Variants in COMMD1 observed in about 807,000 individuals in gnomAD.
The protein encoded by COMMD1 is COMM domain-containing protein 1.
In COMMD1, 10 loss-of-function variants were observed where a neutral mutation model predicts 17.2. The observed-to-expected ratio is 0.58, with a 90% CI of 0.36 to 0.99. The LOEUF (loss-of-function observed/expected upper bound fraction) is 0.99, where lower values mean the gene tolerates loss of function less well. Among genes scored for constraint, COMMD1 ranks in the 50% least tolerant of loss-of-function variants. COMMD1 has a pLI of 0.01. For missense variants in COMMD1, 270 were observed against 231.8 expected (o/e 1.17, Z -1.07); for synonymous variants, 97 against 91.6 (o/e 1.06, Z -0.34).
chr2:61,990,848 CAA>C (rs1672226862), intron 1 of COMMD1, among the ~76,000 whole-genome samples: 1 of 142,216 alleles, frequency 7.0e-6, no homozygotes, highest in South Asian at 2.2e-4. Flanking sequence ...GGTGGGGACA[CAA>C]AGCCAAACCA....
intron 1 of COMMD1, among the ~76,000 whole-genome samples, chr2:61,906,559 T>G (rs1029041031): frequency 1.3e-5 from 2 of 152,208 alleles, no homozygotes; most frequent in Non-Finnish European, 2.9e-5. Flanking sequence ...CAAATTTAAG[T>G]GCTCAGTAGT....
Position 62,119,184 on chromosome 2 carries a change from C to T in COMMD1, c.463-16647C>T, listed in dbSNP as rs1672679054. The T allele has an allele frequency of 2.0e-5, 3 of 152,220 alleles. No homozygotes were observed. In the South Asian group the frequency reaches 6.2e-4, roughly 32 times the overall value. The allele number at this position is 152,220 out of a possible 1,614,324, so 9.4% of individuals were successfully genotyped here. ...GCTGTACCTGCACACAAAGAAAAGG[C>T]CGTGAGAGAAGATAGCTGTCTACAA... On this transcript the variant is annotated intron_variant, in intron 2 of 2. Coordinates refer to ENST00000311832, the MANE Select transcript of COMMD1 (RefSeq NM_152516.4).
intron 2 of COMMD1, among the ~76,000 whole-genome samples, chr2:62,038,979 T>C (rs151296712): frequency 1.2e-4 from 19 of 152,350 alleles, no homozygotes; most frequent in African/African-American, 4.3e-4. Context: ...GAAAAACTTA[T>C]ATTGATTTTC....
chr2:62,066,668 T>G (rs1671052030), intron 2 of COMMD1, among the ~76,000 whole-genome samples: 1 of 151,620 alleles, frequency 6.6e-6, no homozygotes, highest in Admixed American at 6.6e-5. Context: ...CCCAAAGTGC[T>G]GGGATTACAG....
intron 2 of COMMD1, among the ~76,000 whole-genome samples, chr2:62,057,945 T>C (rs1048125050): frequency 2.6e-5 from 4 of 152,180 alleles, no homozygotes; most frequent in African/African-American, 9.7e-5. Context: ...TTATTTTTTT[T>C]CCAAACCCTG....
chr2:61,966,256 C>T (rs1671502293), intron 1 of COMMD1, among the ~76,000 whole-genome samples: 1 of 152,100 alleles, frequency 6.6e-6, no homozygotes, highest in South Asian at 2.1e-4. Context: ...TTACAGCATT[C>T]AGTAAACTGG....
At chr2:61,945,465 A>G (rs531489984) in intron 1 of COMMD1, among the ~76,000 whole-genome samples, 1 of 152,350 alleles carries the variant, frequency 6.6e-6, no homozygotes, top group Non-Finnish European at 1.5e-5. Flanking sequence ...AGATAGATCA[A>G]GCTGGTACCA....
intron 1 of COMMD1, among the ~76,000 whole-genome samples, chr2:61,923,676 A>G (rs1049895151): frequency 1.3e-5 from 2 of 152,206 alleles, no homozygotes; most frequent in African/African-American, 4.8e-5. Flanking sequence ...ATGCTGACAC[A>G]TATGGGCTTT....
In COMMD1 at chr2:61,905,710, C is replaced by A. The variant is rs370907564; in HGVS notation, c.32C>A (p.Pro11His). MAAGELEGGK[P>H]LSGLLNALAQ... ...GCGGGCGAGCTTGAGGGTGGCAAAC[C>A]CCTGAGCGGGCTGCTGAATGCGCTG... The change falls in exon 1 of 3, where the codon CCC becomes CAC. Residue 11 changes from proline (P) to histidine (H), a missense_variant. By Grantham distance (77) the Pro-to-His change is moderately conservative. Coordinates refer to ENST00000311832, the MANE Select transcript of COMMD1 (RefSeq NM_152516.4). The A allele has an allele frequency of 1.3e-5, 21 of 1,599,724 alleles. No individual in the cohort carries two copies. The highest frequency in any genetic ancestry group is 1.7e-5 in the Admixed American group (1 of 57,836).
chr2:61,893,563 C>T (rs1303932397), intron 1 of COMMD1, among the ~76,000 whole-genome samples: 3 of 152,140 alleles, frequency 2.0e-5, no homozygotes, highest in Non-Finnish European at 2.9e-5. Flanking sequence ...CCTGTAATCC[C>T]AGCACTTTGG....
At chr2:62,128,157 A>G (rs1672933529) in intron 2 of COMMD1, among the ~76,000 whole-genome samples, 1 of 151,580 alleles carries the variant, frequency 6.6e-6, no homozygotes, top group African/African-American at 2.4e-5. Flanking sequence ...GTGAAACCCT[A>G]TCTCTACTAG....
rs574052459 is a variant in COMMD1 at position 62,093,561 on chromosome 2, T to C, written c.463-42270T>C. Among the ~76,000 whole-genome samples the C allele has an allele frequency of 5.3e-5, 8 of 152,272 alleles. No homozygotes were observed. The East Asian group carries it at 1.2e-3, about 22-fold the overall frequency. ...CTTGAGGGGTAGATGCTTACTGATATTGTAAAAAAATGTTAGTGAGGGTAT... is the reference window on the plus strand; with the variant it reads ...CTTGAGGGGTAGATGCTTACTGATACTGTAAAAAAATGTTAGTGAGGGTAT... On this transcript the variant is annotated intron_variant, in intron 2 of 2. Coordinates refer to ENST00000311832, the MANE Select transcript of COMMD1 (RefSeq NM_152516.4).
intron 2 of COMMD1, among the ~76,000 whole-genome samples, chr2:62,053,871 A>C (rs937421680): frequency 6.6e-6 from 1 of 152,230 alleles, no homozygotes; most frequent in African/African-American, 2.4e-5. Context: ...TGGAACTTAA[A>C]CTTTCTGCAC....
Position 61,905,712 on chromosome 2 carries a change from C to T in COMMD1, c.34C>T (p.Leu12=), listed in dbSNP as rs139682381. The T allele has an allele frequency of 1.7e-5, 28 of 1,601,870 alleles. No homozygotes were observed. Among genetic ancestry groups the T allele is most frequent in the Admixed American group, 1.0e-4 (6 of 58,148 alleles). Residue 12 remains leucine (L), a synonymous_variant, in exon 1 of 3, where the codon CTG becomes TTG. Coordinates refer to ENST00000311832, the MANE Select transcript of COMMD1 (RefSeq NM_152516.4). ...GGGCGAGCTTGAGGGTGGCAAACCC[C>T]TGAGCGGGCTGCTGAATGCGCTGGC... is the stretch of plus-strand genomic sequence containing the variant. ...AAGELEGGKP[L]SGLLNALAQD... is the part of the protein sequence containing the mutation.
chr2:61,894,980 C>G (rs1558513092), intron 1 of COMMD1, among the ~76,000 whole-genome samples: 1 of 152,142 alleles, frequency 6.6e-6, no homozygotes, highest in Non-Finnish European at 1.5e-5. Flanking sequence ...GTGTCAGCCA[C>G]TACACCTGGT....
intron 1 of COMMD1, among the ~76,000 whole-genome samples, chr2:61,922,360 C>T (rs111570008): frequency 2.6e-5 from 4 of 152,058 alleles, no homozygotes; most frequent in African/African-American, 9.7e-5. Flanking sequence ...TTTTGTTGCC[C>T]AGGCTGGAAT....
intron 1 of COMMD1, among the ~76,000 whole-genome samples, chr2:61,998,318 C>T (rs557594310): frequency 6.8e-6 from 1 of 147,176 alleles, no homozygotes; most frequent in Non-Finnish European, 1.5e-5. Flanking sequence ...GAAGTGCAGT[C>T]GTACTATCTT....
chr2:61,954,722 C>G (rs962531648), intron 1 of COMMD1, among the ~76,000 whole-genome samples: 1 of 152,046 alleles, frequency 6.6e-6, no homozygotes, highest in African/African-American at 2.4e-5. Flanking sequence ...CGCTCTCTTG[C>G]CCAGGCTAGA....
At chr2:62,010,645 G>T (rs1247782103) in intron 2 of COMMD1, among the ~76,000 whole-genome samples, 1 of 152,054 alleles carries the variant, frequency 6.6e-6, no homozygotes, top group Non-Finnish European at 1.5e-5. Flanking sequence ...TCTCATCTCA[G>T]TTAGTGGCAC....
Sources: allele counts gnomAD v4.1 joint callset (sites outside exome capture counted in the v4.1 genomes callset), GRCh38; gene constraint gnomAD v4.1.1; transcripts MANE v1.5; gene names NCBI Gene and HGNC (gene_info 2026-07-23, HGNC 2026-07-21).